Variants in CFTR observed in about 807,000 individuals in gnomAD.
The protein encoded by CFTR is cystic fibrosis transmembrane conductance regulator.
Under a neutral mutation model 171.6 loss-of-function variants are expected in CFTR, and 181 were observed. The observed-to-expected ratio is 1.05, with a 90% CI of 0.93 to 1.19. The LOEUF (loss-of-function observed/expected upper bound fraction) is 1.19, where lower values mean the gene tolerates loss of function less well. Among genes scored for constraint, CFTR ranks in the 50% most tolerant of loss-of-function variants. CFTR has a pLI of 0.00. For synonymous variants in CFTR, 583 were observed against 608.0 expected (o/e 0.96, Z 0.60); for missense variants, 1,968 against 1,734.7 (o/e 1.13, Z -2.39).
At chr7:117,575,669 G>A (rs1191199952) in intron 11 of CFTR, among the ~76,000 whole-genome samples, 7 of 152,086 alleles carry the variant, frequency 4.6e-5, no homozygotes, top group African/African-American at 1.7e-4. Flanking sequence ...AGACTGCTCA[G>A]TGTTCTAACA....
In CFTR at chr7:117,509,071, A is replaced by G. The variant is rs397508332; in HGVS notation, c.202A>G (p.Lys68Glu). 9.0e-5 allele frequency: 145 copies of G among 1,612,996 alleles called. 2 individuals are homozygous for G. The Middle Eastern group carries it at 2.3e-3, about 26-fold the overall frequency. Residue 68 changes from lysine to glutamate, a missense_variant, in exon 3 of 27, where the codon AAA becomes GAA. Transcript: ENST00000003084. ...AGAGCTGGCTTCAAAGAAAAATCCT[A>G]AACTCATTAATGCCCTTCGGCGATG... ...DRELASKKNP[K>E]LINALRRCFF...
rs886061952 is a variant in CFTR at position 117,664,693 on chromosome 7, G to A, written c.3969G>A (p.Gly1323=). ...QEIWKVADEV[G]LRSVIEQFPG... ...ACTATCTTCTCTAACTGCAGGTTGG[G>A]CTCAGATCTGTGATAGAACAGTTTC... The change falls in exon 25 of 27, where the codon GGG becomes GGA. Residue 1323 remains glycine (G), a synonymous_variant. Transcript: ENST00000003084. 5 of 1,613,692 alleles carry A rather than the reference G, an allele frequency of 3.1e-6. No homozygotes were observed. The highest frequency in any genetic ancestry group is 4.2e-6 in the Non-Finnish European group (5 of 1,179,794).
At position 117,587,886 on chromosome 7, in the gene CFTR, T is replaced by TA. The variant is rs1270683794; in HGVS notation, c.1679+60dup. On this transcript the variant is annotated intron_variant, in intron 12 of 26. Coordinates refer to ENST00000003084, the MANE Select transcript of CFTR (RefSeq NM_000492.4). Reference sequence around the variant, plus strand: ...GCATTTGCTGTAAATGTCATTCATGTAAAAAAATTACAGACATTTCTCTAT... The same window carrying TA: ...GCATTTGCTGTAAATGTCATTCATGTAAAAAAAATTACAGACATTTCTCTAT... The TA allele has an allele frequency of 8.1e-6, 9 of 1,111,918 alleles. No homozygotes were observed. In the Admixed American group the frequency reaches 1.0e-4, roughly 13 times the overall value. 68.9% of individuals were successfully genotyped at this position (1,111,918 alleles called of 1,614,324 possible). A position where few individuals can be genotyped will look rare whatever the true frequency, so the allele number is the denominator to read the frequency against.
chr7:117,524,778 C>T (rs975727189), intron 3 of CFTR, among the ~76,000 whole-genome samples: 8 of 152,040 alleles, frequency 5.3e-5, no homozygotes, highest in African/African-American at 1.7e-4. Context: ...GCAAATATCC[C>T]GATTTATTCA....
chr7:117,643,486 T>A (rs1399343648), intron 23 of CFTR, among the ~76,000 whole-genome samples: 1 of 152,162 alleles, frequency 6.6e-6, no homozygotes, highest in Non-Finnish European at 1.5e-5. Flanking sequence ...ACAGATTACC[T>A]TGTGGAACAT....
intron 2 of CFTR, among the ~76,000 whole-genome samples, chr7:117,505,244 C>T (rs895939826): frequency 2.0e-5 from 3 of 152,094 alleles, no homozygotes; most frequent in African/African-American, 7.2e-5. Context: ...TATTGCCTTG[C>T]TCTCTAGGAA....
intron 7 of CFTR, among the ~76,000 whole-genome samples, chr7:117,539,068 C>A (rs760860996): frequency 6.6e-6 from 1 of 152,132 alleles, no homozygotes; most frequent in African/African-American, 2.4e-5. Context: ...CATGGCACAG[C>A]TGTTGCCCCC....
intron 17 of CFTR, among the ~76,000 whole-genome samples, chr7:117,604,625 A>C (rs1792276105): frequency 6.6e-6 from 1 of 152,104 alleles, no homozygotes; most frequent in South Asian, 2.1e-4. Context: ...GATAAGAAAA[A>C]CCCATTATAT....
intron 22 of CFTR, among the ~76,000 whole-genome samples, chr7:117,637,761 C>T (rs1056409567): frequency 6.6e-6 from 1 of 152,038 alleles, no homozygotes; most frequent in African/African-American, 2.4e-5. Flanking sequence ...CCTATAATCC[C>T]AGCTACTCAG....
At chr7:117,552,092 A>T (rs1483542575) in intron 10 of CFTR, among the ~76,000 whole-genome samples, 1 of 151,968 alleles carries the variant, frequency 6.6e-6, no homozygotes, top group African/African-American at 2.4e-5. Flanking sequence ...ACACATATAT[A>T]TATGACACTA....
intron 24 of CFTR, among the ~76,000 whole-genome samples, chr7:117,661,560 G>T (rs1205462832): frequency 2.0e-5 from 3 of 152,090 alleles, no homozygotes; most frequent in Non-Finnish European, 4.4e-5. Context: ...CTGTTACTAT[G>T]GCCATCACTA....
chr7:117,544,728 G>T (rs1410387853), intron 9 of CFTR, among the ~76,000 whole-genome samples: 1 of 152,078 alleles, frequency 6.6e-6, no homozygotes, highest in African/African-American at 2.4e-5. Context: ...TTTCGCTCAC[G>T]CAACCTCATG....
chr7:117,508,983 T>C (rs764316560), intron 2 of CFTR, 51 bp from the exon 3 acceptor site: 1 of 1,121,060 alleles, frequency 8.9e-7, no homozygotes, highest in Non-Finnish European at 1.4e-6. Flanking sequence ...ATAGGACAAC[T>C]AAAATATTTG....
intron 24 of CFTR, among the ~76,000 whole-genome samples, chr7:117,662,861 T>TACCCTG (rs1419386665): frequency 6.6e-6 from 1 of 152,132 alleles, no homozygotes; most frequent in Admixed American, 6.5e-5. Flanking sequence ...TGGTCATCAA[T>TACCCTG]ACCCTGAAAA....
chr7:117,597,519 C>T (rs1242456072), intron 15 of CFTR, among the ~76,000 whole-genome samples: 4 of 152,164 alleles, frequency 2.6e-5, no homozygotes, highest in Non-Finnish European at 5.9e-5. Flanking sequence ...GAAAAAAGTC[C>T]ATGCGTAATC....
intron 11 of CFTR, among the ~76,000 whole-genome samples, chr7:117,574,199 A>G (rs1042912048): frequency 6.6e-6 from 1 of 152,112 alleles, no homozygotes; most frequent in African/African-American, 2.4e-5. Flanking sequence ...GAAGTGTTTT[A>G]TGTTAAATCA....
At chr7:117,525,235 T>TG (rs1322781205) in intron 3 of CFTR, among the ~76,000 whole-genome samples, 1 of 152,218 alleles carries the variant, frequency 6.6e-6, no homozygotes, top group African/African-American at 2.4e-5. Context: ...AGTTTGAATG[T>TG]GGTCTGAGAG....
intron 9 of CFTR, among the ~76,000 whole-genome samples, chr7:117,546,214 GA>G (rs1287009599): frequency 6.6e-6 from 1 of 151,926 alleles, no homozygotes; most frequent in Non-Finnish European, 1.5e-5. Flanking sequence ...GGCTTGTCTT[GA>G]ACTCCTGACC....
intron 20 of CFTR, among the ~76,000 whole-genome samples, chr7:117,614,159 AC>A (rs1348202346): frequency 2.0e-5 from 3 of 151,770 alleles, no homozygotes; most frequent in Non-Finnish European, 4.4e-5. Context: ...CACAGAACAC[AC>A]CTAAACATCT....
Sources: gnomAD v4.1 joint callset for allele counts (sites outside exome capture counted in the v4.1 genomes callset) on GRCh38, gnomAD v4.1.1 for gene constraint, MANE v1.5 for transcripts, NCBI Gene and HGNC (gene_info 2026-07-23, HGNC 2026-07-21) for gene names.